Variants in IQCM observed in about 807,000 individuals in gnomAD.
The protein encoded by IQCM is IQ motif containing M.
A neutral mutation model predicts 57.6 loss-of-function variants in IQCM; 45 were observed. That is an observed-to-expected ratio of 0.78 (90% CI 0.62 to 1.00). IQCM has a LOEUF of 1.00. IQCM is among the 50% of genes least tolerant of loss of function. IQCM has a pLI of 0.00. For synonymous variants in IQCM, 148 were observed against 158.9 expected, an observed-to-expected ratio of 0.93 and a Z score of 0.51; for missense variants, 468 against 511.6, an observed-to-expected ratio of 0.91 and a Z score of 0.82.
intron 2 of IQCM, among the ~76,000 whole-genome samples, chr4:149,805,623 A>G (rs1774005756): frequency 6.6e-6 from 1 of 152,092 alleles, no homozygotes; most frequent in Admixed American, 6.6e-5. Flanking sequence ...TTTTAATTCT[A>G]AATTTTTTCA....
intron 7 of IQCM, among the ~76,000 whole-genome samples, chr4:149,623,529 C>T (rs1445618391): frequency 1.3e-5 from 2 of 152,294 alleles, no homozygotes; most frequent in East Asian, 3.9e-4. Flanking sequence ...AATGACTCCT[C>T]CTTAGAAGCC....
chr4:149,663,379 C>T (rs557080011), intron 7 of IQCM, among the ~76,000 whole-genome samples: 1 of 152,080 alleles, frequency 6.6e-6, no homozygotes, highest in South Asian at 2.1e-4. Context: ...GTATTTACCT[C>T]TCCTGGAGGT....
At chr4:149,651,148 T>C (rs995923425) in intron 7 of IQCM, among the ~76,000 whole-genome samples, 6 of 152,146 alleles carry the variant, frequency 3.9e-5, no homozygotes, top group African/African-American at 2.4e-5. Context: ...ACACCCACAG[T>C]TGCAGATCTG....
At position 149,659,137 on chromosome 4, in the gene IQCM, T is replaced by C. The variant is rs539449584; in HGVS notation, c.565+22981A>G. 5.4e-4 allele frequency among the ~76,000 whole-genome samples: 81 copies of C among 150,446 alleles called. 1 individual carries two copies. The South Asian group carries it at 0.015, about 28-fold the overall frequency. On this transcript the variant is annotated intron_variant, in intron 7 of 13. Coordinates refer to ENST00000636793, the MANE Select transcript of IQCM (RefSeq NM_001363507.2). ...TTGTTGACGCTTTCAAAAAACCAGC[T>C]CCTGGATTCATTAACTTTTTGAAGG...
intron 13 of IQCM, 67 bp downstream of exon 13, chr4:149,433,329 G>T (rs1735045449): frequency 3.0e-6 from 2 of 676,182 alleles, no homozygotes; most frequent in South Asian, 7.9e-5. Flanking sequence ...GATGAATACA[G>T]TTATATATTT....
intron 12 of IQCM, among the ~76,000 whole-genome samples, chr4:149,442,210 A>G (rs1365950972): frequency 2.6e-5 from 4 of 152,040 alleles, no homozygotes; most frequent in Admixed American, 2.0e-4. Flanking sequence ...GATCTTTCTG[A>G]GGTATCAGCA....
intron 13 of IQCM, among the ~76,000 whole-genome samples, chr4:149,408,293 T>G (rs191942091): frequency 3.5e-4 from 54 of 152,294 alleles, no homozygotes; most frequent in Admixed American, 3.5e-3. Context: ...TAGGTGATTA[T>G]CATATCTAAA....
intron 8 of IQCM, among the ~76,000 whole-genome samples, chr4:149,590,675 C>A (rs1753070303): frequency 6.6e-6 from 1 of 152,012 alleles, no homozygotes; most frequent in Non-Finnish European, 1.5e-5. Flanking sequence ...TTGTTCAACT[C>A]CCACTTATGA....
intron 13 of IQCM, among the ~76,000 whole-genome samples, chr4:149,412,768 T>C (rs1315528490): frequency 1.3e-5 from 2 of 152,148 alleles, no homozygotes; most frequent in East Asian, 1.9e-4. Context: ...AATCTTAATG[T>C]TTTATATCAT....
chr4:149,509,740 T>C (rs963226964), intron 12 of IQCM, among the ~76,000 whole-genome samples: 14 of 152,248 alleles, frequency 9.2e-5, no homozygotes, highest in African/African-American at 3.4e-4. Flanking sequence ...ATTAAATTTA[T>C]AAAAGGCAAT....
chr4:149,507,165 C>T (rs979285901), intron 12 of IQCM, among the ~76,000 whole-genome samples: 1 of 152,152 alleles, frequency 6.6e-6, no homozygotes, highest in African/African-American at 2.4e-5. Flanking sequence ...AATTGTAAGT[C>T]CAATAAACTC....
At chr4:149,418,163 G>T (rs1329345315) in intron 13 of IQCM, among the ~76,000 whole-genome samples, 1 of 114,270 alleles carries the variant, frequency 8.8e-6, no homozygotes, top group East Asian at 2.7e-4. Context: ...ATGAATCCAG[G>T]TTATGGTTTT....
intron 13 of IQCM, among the ~76,000 whole-genome samples, chr4:149,359,424 ATAT>A (rs1454055683): frequency 3.3e-5 from 5 of 152,162 alleles, no homozygotes; most frequent in African/African-American, 1.2e-4. Context: ...TCAATGGAAA[ATAT>A]TATTTATGTA....
At chr4:149,698,102 A>G (rs966500919) in intron 5 of IQCM, among the ~76,000 whole-genome samples, 2 of 151,944 alleles carry the variant, frequency 1.3e-5, no homozygotes, top group Non-Finnish European at 2.9e-5. Flanking sequence ...TTTGTACTTC[A>G]TTATATAGAT....
At chr4:149,760,217 TA>T (rs1242620624) in intron 2 of IQCM, among the ~76,000 whole-genome samples, 6 of 151,690 alleles carry the variant, frequency 4.0e-5, no homozygotes, top group African/African-American at 1.5e-4. Context: ...GAAGAAGAAA[TA>T]ATAGATAATA....
At chr4:149,371,287 T>G (rs1344926634) in intron 13 of IQCM, among the ~76,000 whole-genome samples, 3 of 152,176 alleles carry the variant, frequency 2.0e-5, no homozygotes, top group Admixed American at 6.5e-5. Context: ...GCCCCAGGCC[T>G]GAGAAACACC....
At chr4:149,662,943 TG>T (rs1760355968) in intron 7 of IQCM, among the ~76,000 whole-genome samples, 1 of 151,988 alleles carries the variant, frequency 6.6e-6, no homozygotes, top group African/African-American at 2.4e-5. Flanking sequence ...CCTGCAACTT[TG>T]TTCCTTGTTT....
At position 149,776,279 on chromosome 4, in the gene IQCM, A is replaced by G. The variant is rs572354794; in HGVS notation, c.-48-33540T>C. ...GTTTACTAAGTTGTTTCAAAAATCT[A>G]TTTTCTTTCTGAAAACAAAGATATG... On this transcript the variant is annotated intron_variant, in intron 2 of 13. Coordinates refer to ENST00000636793, the MANE Select transcript of IQCM (RefSeq NM_001363507.2). 4.6e-5 allele frequency among the ~76,000 whole-genome samples: 7 copies of G among 152,236 alleles called. No homozygotes were observed. The South Asian group carries it at 1.5e-3, about 32-fold the overall frequency.
intron 13 of IQCM, among the ~76,000 whole-genome samples, 189 bp downstream of exon 13, chr4:149,433,207 C>T (rs1230938960): frequency 6.6e-6 from 1 of 151,998 alleles, no homozygotes; most frequent in Non-Finnish European, 1.5e-5. Context: ...TTCCACTATT[C>T]TAGCGGAGGC....
Sources: allele counts gnomAD v4.1 joint callset (sites outside exome capture counted in the v4.1 genomes callset), GRCh38; gene constraint gnomAD v4.1.1; transcripts MANE v1.5; gene names NCBI Gene and HGNC (gene_info 2026-07-23, HGNC 2026-07-21).